The following COL9A2 variants were observed in gnomAD, a reference collection of about 807,000 sequenced individuals.
The protein encoded by COL9A2 is collagen alpha-2(IX) chain.
COL9A2 carries 66 observed loss-of-function variants against 111.6 expected under a neutral mutation model. That is an observed-to-expected ratio of 0.59 (90% CI 0.48 to 0.73). The LOEUF (loss-of-function observed/expected upper bound fraction) is 0.73, where lower values mean the gene tolerates loss of function less well. Among genes scored for constraint, COL9A2 ranks in the 30% least tolerant of loss-of-function variants. The pLI is 0.00. For missense variants in COL9A2, 881 were observed against 954.1 expected, an observed-to-expected ratio of 0.92 and a Z score of 1.01; for synonymous variants, 353 against 364.1, an observed-to-expected ratio of 0.97 and a Z score of 0.35.
Position 40,303,020 on chromosome 1 carries a change from GCC to G in COL9A2, c.1603+109_1603+110del. The G allele has an allele frequency of 8.1e-7, 1 of 1,232,534 alleles. No individual in the cohort carries two copies. The highest frequency in any genetic ancestry group is 1.3e-5 in the South Asian group (1 of 77,136). The allele number at this position is 1,232,534 out of a possible 1,614,324, so 76.3% of individuals were successfully genotyped here. The stretch of plus-strand genomic sequence containing the variant: ...CCCTTCAGAGACTGGACTGGAAGGA[GCC>G]CCCAGGACTCCAGATTTTCAGACAA... On this transcript the variant is annotated intron_variant, in intron 29 of 31. Coordinates refer to ENST00000372748, the MANE Select transcript of COL9A2 (RefSeq NM_001852.4). The surrounding 1 kb of genome is among the most constrained non-coding windows in gnomAD (Gnocchi z 4.6).
At position 40,314,442 on chromosome 1, in the gene COL9A2, G is replaced by A. The variant is rs1406283342; in HGVS notation, c.151-55C>T. The A allele has an allele frequency of 6.2e-7, 1 of 1,608,710 alleles. No homozygotes were observed. Among genetic ancestry groups the A allele is most frequent in the Non-Finnish European group, 8.5e-7 (1 of 1,175,082 alleles). ...ACTACGGCTCACACTACCCCAAGTG[G>A]GCACACACAGGCCCTGGCAGGCCGC... On this transcript the variant is annotated intron_variant, in intron 2 of 31. Coordinates refer to ENST00000372748, the MANE Select transcript of COL9A2 (RefSeq NM_001852.4). This position sits in a 1 kb window ranked among gnomAD's most constrained non-coding sequence, Gnocchi z 4.1.
chr1:40,303,116 G>C lies in COL9A2; in HGVS notation c.1603+15C>G, dbSNP rs752181838. 1 of 1,611,254 alleles carries C rather than the reference G, an allele frequency of 6.2e-7. No homozygotes were observed. Among genetic ancestry groups the C allele is most frequent in the Non-Finnish European group, 8.5e-7 (1 of 1,178,956 alleles). Reference sequence around the variant, plus strand: ...GCCCTCGAACTGACTGTGAGGAGGGGTTGCTGCCCCTCACCTTGCAGCATC... The same window carrying C: ...GCCCTCGAACTGACTGTGAGGAGGGCTTGCTGCCCCTCACCTTGCAGCATC... On this transcript the variant is annotated intron_variant, in intron 29 of 31. Transcript: ENST00000372748. This position sits in a 1 kb window ranked among gnomAD's most constrained non-coding sequence, Gnocchi z 4.6.
chr1:40,309,817 C>G, intron 16 of COL9A2, 121 bp downstream of exon 16: 1 of 947,142 alleles, frequency 1.1e-6, no homozygotes, highest in Non-Finnish European at 1.7e-6. Flanking sequence ...CTCACACACA[C>G]TACACATTCA....
Position 40,303,270 on chromosome 1 carries a change from A to G in COL9A2, c.1549-85T>C, listed in dbSNP as rs1434279305. On this transcript the variant is annotated intron_variant, in intron 28 of 31. Transcript: ENST00000372748. This position sits in a 1 kb window ranked among gnomAD's most constrained non-coding sequence, Gnocchi z 4.6. Reference sequence around the variant, plus strand: ...CCACCTGGCTGAGCGTGAGGCCGCCATGGAGGAGACTCTGGTGTTGAGTCA... The same window carrying G: ...CCACCTGGCTGAGCGTGAGGCCGCCGTGGAGGAGACTCTGGTGTTGAGTCA... 3 of 1,375,938 alleles carry G rather than the reference A, an allele frequency of 2.2e-6. No homozygotes were observed. The highest frequency in any genetic ancestry group is 3.0e-6 in the Non-Finnish European group (3 of 985,098). The allele number at this position is 1,375,938 out of a possible 1,614,324, so 85.2% of individuals were successfully genotyped here.
At position 40,311,573 on chromosome 1, in the gene COL9A2, T is replaced by C; in HGVS notation, c.472-26A>G. 1 of 1,613,758 alleles carries C rather than the reference T, an allele frequency of 6.2e-7. No individual in the cohort carries two copies. Among genetic ancestry groups the C allele is most frequent in the Non-Finnish European group, 8.5e-7 (1 of 1,179,928 alleles). On this transcript the variant is annotated intron_variant, in intron 9 of 31. Transcript: ENST00000372748. The surrounding 1 kb of genome is among the most constrained non-coding windows in gnomAD (Gnocchi z 5.1). ...CTGAGAGGAGACATGAAGATGGAGC[T>C]TGGCCTGACCCTTTCCCGCCGCAGG...
In COL9A2 at chr1:40,301,082, G is replaced by A. The variant is rs534465543; in HGVS notation, c.*100C>T. On this transcript the variant is annotated 3_prime_UTR_variant, in exon 32 of 32. Coordinates refer to ENST00000372748, the MANE Select transcript of COL9A2 (RefSeq NM_001852.4). ...CTGAGTCCCAGACAGAAGGTCCTGG[G>A]GGAGATGGTTTCCTGGACTGGGGAT... The A allele has an allele frequency of 3.9e-6, 5 of 1,268,160 alleles. No individual in the cohort carries two copies. The highest frequency in any genetic ancestry group is 5.7e-6 in the Non-Finnish European group (5 of 879,908). The allele number at this position is 1,268,160 out of a possible 1,614,324, so 78.6% of individuals were successfully genotyped here.
rs758147426 is a variant in COL9A2, at chr1:40,312,802, T to C, written c.250-18A>G. On this transcript the variant is annotated intron_variant, in intron 4 of 31. Coordinates refer to ENST00000372748, the MANE Select transcript of COL9A2 (RefSeq NM_001852.4). The surrounding 1 kb of genome is among the most constrained non-coding windows in gnomAD (Gnocchi z 6.0). ...GTTAAACCCTGGGGAAGAATGAAAA[T>C]GTAGGATCAATGAGGGCCAACCTGC... The C allele has an allele frequency of 1.9e-6, 3 of 1,549,822 alleles. No homozygotes were observed. In the South Asian group the frequency reaches 3.6e-5, roughly 18 times the overall value.
In COL9A2 at chr1:40,304,526, C is replaced by A. The variant is rs1386982629; in HGVS notation, c.1165G>T (p.Asp389Tyr). Residue 389 changes from aspartate to tyrosine, a missense_variant, in exon 23 of 32, where the codon GAC becomes TAC. Asp to Tyr is a radical substitution (Grantham distance 160). Coordinates refer to ENST00000372748, the MANE Select transcript of COL9A2 (RefSeq NM_001852.4). ...GPQGIMGQKG[D>Y]QGERGPVGQP... The stretch of plus-strand genomic sequence containing the variant: ...CCCACTGGACCCCTCTCGCCTTGGT[C>A]ACCCTGAAATGGAAAGAGAAGGTCA... The A allele has an allele frequency of 1.2e-6, 2 of 1,614,210 alleles. No homozygotes were observed. The highest frequency in any genetic ancestry group is 2.2e-5 in the South Asian group (2 of 91,074).
Position 40,311,055 on chromosome 1 carries a change from C to A in COL9A2, c.630+38G>T. On this transcript the variant is annotated intron_variant, in intron 12 of 31. Transcript: ENST00000372748. This position sits in a 1 kb window ranked among gnomAD's most constrained non-coding sequence, Gnocchi z 5.1. Reference sequence around the variant, plus strand: ...ACAGAGCCCTGTAGGACCATCTCCACGTATCCCTGACCCACAGCCCTCAGC... The same window carrying A: ...ACAGAGCCCTGTAGGACCATCTCCAAGTATCCCTGACCCACAGCCCTCAGC... 1 of 1,611,968 alleles carries A rather than the reference C, an allele frequency of 6.2e-7. No homozygotes were observed. Among genetic ancestry groups the A allele is most frequent in the Non-Finnish European group, 8.5e-7 (1 of 1,178,460 alleles).
rs1168059193 is a variant in COL9A2 at position 40,301,955 on chromosome 1, A to G, written c.1793-66T>C. On this transcript the variant is annotated intron_variant, in intron 30 of 31. Transcript: ENST00000372748. ...AAATGCTTTTCCTCTATTTTTTGCT[A>G]TGTTTCACGCAAAGAAATTATTCCT... is the stretch of plus-strand genomic sequence containing the variant. 111 of 1,468,562 alleles carry G rather than the reference A, an allele frequency of 7.6e-5. 1 individual carries two copies. The South Asian group carries it at 1.3e-3, about 17-fold the overall frequency. The allele number at this position is 1,468,562 out of a possible 1,614,324, so 91.0% of individuals were successfully genotyped here.
chr1:40,303,886 G>A lies in COL9A2; in HGVS notation c.1368+42C>T, dbSNP rs1260114115. On this transcript the variant is annotated intron_variant, in intron 26 of 31. Coordinates refer to ENST00000372748, the MANE Select transcript of COL9A2 (RefSeq NM_001852.4). This position sits in a 1 kb window ranked among gnomAD's most constrained non-coding sequence, Gnocchi z 4.6. The stretch of plus-strand genomic sequence containing the variant: ...GTCACGAAGCCGCGGGGACCCCGGG[G>A]CCAGCCGCCGCTCCCCGCCCTTCCC... 1 of 1,548,696 alleles carries A rather than the reference G, an allele frequency of 6.5e-7. No homozygotes were observed. The highest frequency in any genetic ancestry group is 8.7e-7 in the Non-Finnish European group (1 of 1,146,476).
chr1:40,314,056 C>A lies in COL9A2; in HGVS notation c.249+149G>T. ...TGAGAGTGAGGTTCCAGGAAGGTCA[C>A]AAGTCATATCAAGGTGAGGGGGGCT... On this transcript the variant is annotated intron_variant, in intron 4 of 31. Transcript: ENST00000372748. The surrounding 1 kb of genome is among the most constrained non-coding windows in gnomAD (Gnocchi z 4.1). The A allele has an allele frequency of 1.1e-6, 1 of 912,064 alleles. No homozygotes were observed. 56.5% of individuals were successfully genotyped at this position (912,064 alleles called of 1,614,324 possible).
chr1:40,313,212 A>C (rs930788082), intron 4 of COL9A2, among the ~76,000 whole-genome samples: 4 of 149,578 alleles, frequency 2.7e-5, no homozygotes, highest in Non-Finnish European at 4.4e-5. Flanking sequence ...TCTGTTGCTC[A>C]GGCTGGAGTG....
At position 40,314,064 on chromosome 1, in the gene COL9A2, A is replaced by C; in HGVS notation, c.249+141T>G. The C allele has an allele frequency of 1.0e-6, 1 of 957,192 alleles. No individual in the cohort carries two copies. The highest frequency in any genetic ancestry group is 3.2e-4 in the Middle Eastern group (1 of 3,164). 59.3% of individuals were successfully genotyped at this position (957,192 alleles called of 1,614,324 possible). A position where few individuals can be genotyped will look rare whatever the true frequency, so the allele number is the denominator to read the frequency against. ...AGGTTCCAGGAAGGTCACAAGTCAT[A>C]TCAAGGTGAGGGGGGCTCACAGCTG... On this transcript the variant is annotated intron_variant, in intron 4 of 31. Coordinates refer to ENST00000372748, the MANE Select transcript of COL9A2 (RefSeq NM_001852.4). This position sits in a 1 kb window ranked among gnomAD's most constrained non-coding sequence, Gnocchi z 4.1.
At chr1:40,309,703 C>A (rs1421542127) in intron 16 of COL9A2, among the ~76,000 whole-genome samples, 3 of 151,796 alleles carry the variant, frequency 2.0e-5, no homozygotes, top group Non-Finnish European at 2.9e-5. Flanking sequence ...GATATCCTCA[C>A]ACACTCACAT....
chr1:40,310,943 T>A lies in COL9A2; in HGVS notation c.630+150A>T. 8.6e-7 allele frequency: 1 copy of A among 1,159,072 alleles called. No homozygotes were observed. The allele number at this position is 1,159,072 out of a possible 1,614,324, so 71.8% of individuals were successfully genotyped here. On this transcript the variant is annotated intron_variant, in intron 12 of 31. Transcript: ENST00000372748. This position sits in a 1 kb window ranked among gnomAD's most constrained non-coding sequence, Gnocchi z 4.9. Reference sequence around the variant, plus strand: ...AAGCAAGGAGACATGACCAGAGACATGCCGACCTGGAGCACAGGCCTCCAG... The same window carrying A: ...AAGCAAGGAGACATGACCAGAGACAAGCCGACCTGGAGCACAGGCCTCCAG...
Position 40,303,871 on chromosome 1 carries a change from C to T in COL9A2, c.1369-32G>A, listed in dbSNP as rs200767376. 4 of 1,548,860 alleles carry T rather than the reference C, an allele frequency of 2.6e-6. No homozygotes were observed. The highest frequency in any genetic ancestry group is 2.7e-5 in the African/African-American group (2 of 72,774). On this transcript the variant is annotated intron_variant, in intron 26 of 31. Transcript: ENST00000372748. This position sits in a 1 kb window ranked among gnomAD's most constrained non-coding sequence, Gnocchi z 4.6. ...GCACAAGGAGCAGCGGTCACGAAGC[C>T]GCGGGGACCCCGGGGCCAGCCGCCG...
intron 2 of COL9A2, chr1:40,315,130 G>T: frequency 1.3e-6 from 1 of 774,140 alleles, no homozygotes; most frequent in Non-Finnish European, 1.6e-6. Context: ...CCCTCACCCT[G>T]CAGGGAACAA....
chr1:40,315,493 C>T (rs554910524), intron 2 of COL9A2, 97 bp downstream of exon 2: 1 of 1,465,602 alleles, frequency 6.8e-7, no homozygotes, highest in African/African-American at 1.6e-5. Context: ...CACTACATCT[C>T]CGGGCACCCC....
Sources: allele counts gnomAD v4.1 joint callset (sites outside exome capture counted in the v4.1 genomes callset), GRCh38; gene constraint gnomAD v4.1.1; non-coding constraint Gnocchi (gnomAD v3.1); transcripts MANE v1.5; gene names NCBI Gene and HGNC (gene_info 2026-07-23, HGNC 2026-07-21).